The following BNC2 variants were observed in gnomAD, a reference collection of about 807,000 sequenced individuals.
The protein encoded by BNC2 is zinc finger protein basonuclin-2.
A neutral mutation model predicts 76.3 loss-of-function variants in BNC2; 20 were observed. The observed-to-expected ratio is 0.26, with a 90% CI of 0.18 to 0.38. BNC2 has a LOEUF of 0.38. BNC2 is among the 10% of genes least tolerant of loss of function. BNC2 has a pLI of 1.00. For synonymous variants in BNC2, 582 were observed against 514.8 expected (o/e 1.13, Z -1.77); for missense variants, 1,382 against 1,399.8 (o/e 0.99, Z 0.20).
chr9:16,563,984 T>C (rs1267570990), intron 4 of BNC2, among the ~76,000 whole-genome samples: 1 of 151,848 alleles, frequency 6.6e-6, no homozygotes, highest in Admixed American at 6.5e-5. Context: ...CTAAATATTT[T>C]ATTAATTTTC....
chr9:16,659,340 A>C (rs1008831203), intron 3 of BNC2, among the ~76,000 whole-genome samples: 1 of 152,090 alleles, frequency 6.6e-6, no homozygotes, highest in African/African-American at 2.4e-5. Context: ...CGGCGGGCAC[A>C]GTGGCTCACG....
chr9:16,686,116 T>C (rs1043594896), intron 3 of BNC2, among the ~76,000 whole-genome samples: 2 of 152,242 alleles, frequency 1.3e-5, no homozygotes, highest in African/African-American at 2.4e-5. Context: ...AAATTTATTT[T>C]TCCTGTTCCT....
intron 3 of BNC2, among the ~76,000 whole-genome samples, chr9:16,598,637 C>T (rs1820159784): frequency 6.6e-6 from 1 of 152,092 alleles, no homozygotes; most frequent in African/African-American, 2.4e-5. Context: ...TTCCAGGCAA[C>T]GCTAGTAACA....
intron 1 of BNC2, among the ~76,000 whole-genome samples, chr9:16,866,392 T>C (rs1056732992): frequency 6.6e-6 from 1 of 151,922 alleles, no homozygotes; most frequent in Admixed American, 6.6e-5. Context: ...AAAGGGGTTG[T>C]CCTTCATAAA....
At chr9:16,728,334 A>C in intron 2 of BNC2, 1 of 404,398 alleles carries the variant, frequency 2.5e-6, no homozygotes. Flanking sequence ...TCAGGCACCA[A>C]ATGACACCCT....
intron 4 of BNC2, among the ~76,000 whole-genome samples, chr9:16,569,950 A>G (rs1819273745): frequency 6.6e-6 from 1 of 152,204 alleles, no homozygotes. Context: ...TACACAGTAC[A>G]CTGACTATAA....
intron 4 of BNC2, among the ~76,000 whole-genome samples, chr9:16,563,066 T>C (rs559015468): frequency 3.9e-5 from 6 of 152,290 alleles, no homozygotes; most frequent in South Asian, 4.1e-4. Flanking sequence ...CTTTTTCTAA[T>C]AAAAATTAAG....
intron 3 of BNC2, among the ~76,000 whole-genome samples, chr9:16,687,068 C>A (rs1396927224): frequency 6.6e-6 from 1 of 151,992 alleles, no homozygotes; most frequent in Non-Finnish European, 1.5e-5. Context: ...CATCTCCAGT[C>A]TACAAACGAA....
intron 1 of BNC2, among the ~76,000 whole-genome samples, chr9:16,820,192 G>A (rs188980388): frequency 2.7e-5 from 4 of 148,416 alleles, no homozygotes; most frequent in African/African-American, 7.5e-5. Flanking sequence ...TTGGGAGGCC[G>A]AGGCAGGTGG....
chr9:16,524,683 T>C (rs985228725), intron 5 of BNC2, among the ~76,000 whole-genome samples: 4 of 152,010 alleles, frequency 2.6e-5, no homozygotes, highest in African/African-American at 9.7e-5. Flanking sequence ...GAAGAAAAAA[T>C]AGATGAATGA....
chr9:16,584,976 A>T (rs1261383008), intron 3 of BNC2, among the ~76,000 whole-genome samples: 2 of 152,162 alleles, frequency 1.3e-5, no homozygotes, highest in African/African-American at 4.8e-5. Flanking sequence ...TTTAAAAAAA[A>T]TAGCTCTGCT....
chr9:16,867,848 T>C (rs561513039), intron 1 of BNC2: 3 of 152,224 alleles, frequency 2.0e-5, no homozygotes, highest in Middle Eastern at 3.4e-3. Context: ...CTGGGAAAGA[T>C]CAAATGAGAA....
chr9:16,501,146 C>G (rs988394373), intron 5 of BNC2, among the ~76,000 whole-genome samples: 1 of 152,106 alleles, frequency 6.6e-6, no homozygotes, highest in Non-Finnish European at 1.5e-5. Flanking sequence ...ACAAAATGAG[C>G]AAATATAAGT....
At chr9:16,719,394 G>C (rs564488831) in intron 3 of BNC2, among the ~76,000 whole-genome samples, 1 of 152,248 alleles carries the variant, frequency 6.6e-6, no homozygotes, top group South Asian at 2.1e-4. Context: ...TTTAATATTA[G>C]TTTTGTTATT....
chr9:16,736,604 T>C (rs1824678586), intron 2 of BNC2, among the ~76,000 whole-genome samples: 1 of 151,408 alleles, frequency 6.6e-6, no homozygotes, highest in East Asian at 2.0e-4. Context: ...GCCTCCTCAG[T>C]AGCTGAGATT....
intron 5 of BNC2, among the ~76,000 whole-genome samples, chr9:16,464,094 C>CAAAAA (rs1324549679): frequency 4.1e-4 from 14 of 34,496 alleles, no homozygotes; most frequent in Admixed American, 9.7e-4. Context: ...ACCCTGTCTC[C>CAAAAA]AAAAAAAAAA....
chr9:16,753,453 C>T (rs1022251458), intron 1 of BNC2, among the ~76,000 whole-genome samples: 1 of 152,174 alleles, frequency 6.6e-6, no homozygotes, highest in Non-Finnish European at 1.5e-5. Flanking sequence ...AATTACAAAA[C>T]TTATCATGCC....
intron 1 of BNC2, chr9:16,868,141 G>A (rs919586048): frequency 2.6e-5 from 4 of 152,180 alleles, no homozygotes; most frequent in Non-Finnish European, 5.9e-5. Flanking sequence ...ATGGCAAGAT[G>A]AAACGAGAGG....
intron 3 of BNC2, among the ~76,000 whole-genome samples, chr9:16,604,807 AAAAAG>A (rs549169864): frequency 1.5e-3 from 197 of 133,806 alleles, no homozygotes; most frequent in Middle Eastern, 3.7e-3. Context: ...CAACTCAAGA[AAAAAG>A]AAAAGAAAAG....
Sources: gnomAD v4.1 joint callset for allele counts (sites outside exome capture counted in the v4.1 genomes callset) on GRCh38, gnomAD v4.1.1 for gene constraint, MANE v1.5 for transcripts, NCBI Gene and HGNC (gene_info 2026-07-23, HGNC 2026-07-21) for gene names.